The following GRM1 variants were observed in gnomAD, a reference collection of about 807,000 sequenced individuals.
GRM1 encodes metabotropic glutamate receptor 1.
In GRM1, 33 loss-of-function variants were observed where a neutral mutation model predicts 90.9. That is an observed-to-expected ratio of 0.36 (90% CI 0.28 to 0.49). GRM1 has a LOEUF of 0.49. Among genes scored for constraint, GRM1 ranks in the 20% least tolerant of loss-of-function variants. The pLI, the probability that GRM1 is intolerant of heterozygous loss-of-function variation, is 0.99. For synonymous variants in GRM1, 700 were observed against 613.2 expected (o/e 1.14, Z -2.09); for missense variants, 1,190 against 1,534.3 (o/e 0.78, Z 3.75).
At chr6:146,294,572 A>G (rs1250744828) in intron 2 of GRM1, among the ~76,000 whole-genome samples, 1 of 152,144 alleles carries the variant, frequency 6.6e-6, no homozygotes, top group Non-Finnish European at 1.5e-5. Context: ...TCATTAGACC[A>G]AGCATCAAGC....
intron 1 of GRM1, among the ~76,000 whole-genome samples, chr6:146,042,050 A>G (rs1482288849): frequency 6.6e-6 from 1 of 151,976 alleles, no homozygotes; most frequent in Non-Finnish European, 1.5e-5. Context: ...AAGGAGGCTT[A>G]AGCTAGTTCT....
intron 3 of GRM1, among the ~76,000 whole-genome samples, chr6:146,338,711 G>A (rs1422132606): frequency 6.6e-6 from 1 of 152,102 alleles, no homozygotes; most frequent in African/African-American, 2.4e-5. Flanking sequence ...TTATTCCCTG[G>A]CTTCCTGCAG....
chr6:146,367,981 T>C (rs1324942398), intron 5 of GRM1, among the ~76,000 whole-genome samples: 1 of 152,148 alleles, frequency 6.6e-6, no homozygotes, highest in African/African-American at 2.4e-5. Context: ...AACTATCTTA[T>C]TTCTTCCAAG....
chr6:146,335,443 T>C (rs897971525), intron 3 of GRM1, among the ~76,000 whole-genome samples: 3 of 152,168 alleles, frequency 2.0e-5, no homozygotes, highest in African/African-American at 7.2e-5. Flanking sequence ...TCTGAATGCC[T>C]CCCTAGGAAA....
intron 4 of GRM1, among the ~76,000 whole-genome samples, chr6:146,356,236 C>T (rs977932854): frequency 3.3e-5 from 5 of 152,074 alleles, no homozygotes; most frequent in African/African-American, 4.8e-5. Context: ...GATTGTCTTC[C>T]TTCATTTGGG....
At chr6:146,090,929 G>A (rs1320867084) in intron 1 of GRM1, among the ~76,000 whole-genome samples, 1 of 151,402 alleles carries the variant, frequency 6.6e-6, no homozygotes, top group Admixed American at 6.6e-5. Flanking sequence ...CTGAGTTTGG[G>A]AAAAAAAACC....
chr6:146,255,560 A>G (rs145856643), intron 2 of GRM1, among the ~76,000 whole-genome samples: 312 of 152,200 alleles, frequency 2.0e-3, no homozygotes, highest in African/African-American at 7.1e-3. Flanking sequence ...GAATCCCTCA[A>G]ATTTTAAGGT....
chr6:146,139,962 C>T (rs928263427), intron 1 of GRM1, among the ~76,000 whole-genome samples: 7 of 113,074 alleles, frequency 6.2e-5, no homozygotes, highest in Non-Finnish European at 1.1e-4. Flanking sequence ...CTCCCCTTCC[C>T]TTCCCTTCCC....
chr6:146,047,047 A>G (rs1791358451), intron 1 of GRM1, among the ~76,000 whole-genome samples: 1 of 152,016 alleles, frequency 6.6e-6, no homozygotes, highest in Non-Finnish European at 1.5e-5. Context: ...TAAGGTGCTA[A>G]CAGGTATGCA....
chr6:146,218,620 A>C (rs1779953557), intron 2 of GRM1, among the ~76,000 whole-genome samples: 1 of 152,208 alleles, frequency 6.6e-6, no homozygotes, highest in African/African-American at 2.4e-5. Flanking sequence ...TGTATGAAAA[A>C]AATCAGAAGA....
At chr6:146,345,226 A>G (rs187332156) in intron 3 of GRM1, among the ~76,000 whole-genome samples, 123 of 152,290 alleles carry the variant, frequency 8.1e-4, no homozygotes, top group African/African-American at 2.8e-3. Flanking sequence ...CCTTGCTTCC[A>G]TTTCATCTAC....
At chr6:146,365,357 T>C (rs1775638517) in intron 5 of GRM1, 2 of 152,266 alleles carry the variant, frequency 1.3e-5, no homozygotes, top group Admixed American at 1.3e-4. Context: ...TGCCCACACC[T>C]TCACCACTCC....
intron 1 of GRM1, among the ~76,000 whole-genome samples, chr6:146,064,796 A>G (rs1308321515): frequency 6.6e-6 from 1 of 151,850 alleles, no homozygotes; most frequent in Non-Finnish European, 1.5e-5. Flanking sequence ...GTCTCAAAAA[A>G]AAAAAAAAAA....
intron 1 of GRM1, among the ~76,000 whole-genome samples, chr6:146,120,453 G>T (rs1775936982): frequency 6.6e-6 from 1 of 152,022 alleles, no homozygotes; most frequent in South Asian, 2.1e-4. Context: ...TGATTGCCCT[G>T]GCCAGAACTT....
chr6:146,084,188 T>C (rs1003008446), intron 1 of GRM1, among the ~76,000 whole-genome samples: 2 of 152,126 alleles, frequency 1.3e-5, no homozygotes, highest in Non-Finnish European at 2.9e-5. Flanking sequence ...AAAAACCAGC[T>C]CCTGGATTCA....
chr6:146,413,696 A>G (rs1777654477), intron 7 of GRM1, among the ~76,000 whole-genome samples: 1 of 152,180 alleles, frequency 6.6e-6, no homozygotes, highest in Non-Finnish European at 1.5e-5. Context: ...CCCTCACTCT[A>G]GAAAGTTTCC....
intron 2 of GRM1, among the ~76,000 whole-genome samples, chr6:146,294,890 C>A (rs937708740): frequency 5.3e-5 from 8 of 152,114 alleles, no homozygotes; most frequent in Non-Finnish European, 1.0e-4. Context: ...CTCCTACTAT[C>A]TTTTACTTTT....
At chr6:146,411,189 G>A (rs956607051) in intron 7 of GRM1, among the ~76,000 whole-genome samples, 12 of 152,152 alleles carry the variant, frequency 7.9e-5, no homozygotes, top group African/African-American at 2.9e-4. Flanking sequence ...GTTATTAGAA[G>A]TCTCCAACCA....
At chr6:146,173,124 TCAC>T (rs1778199289) in intron 2 of GRM1, among the ~76,000 whole-genome samples, 1 of 152,060 alleles carries the variant, frequency 6.6e-6, no homozygotes, top group Non-Finnish European at 1.5e-5. Flanking sequence ...ATGCAGCAAC[TCAC>T]GCCTGTAATT....
Sources: gnomAD v4.1 joint callset for allele counts (sites outside exome capture counted in the v4.1 genomes callset) on GRCh38, gnomAD v4.1.1 for gene constraint, MANE v1.5 for transcripts, NCBI Gene and HGNC (gene_info 2026-07-23, HGNC 2026-07-21) for gene names.